GLIS3: variants seen among roughly 807,000 people sequenced by gnomAD.
The protein encoded by GLIS3 is zinc finger protein GLIS3.
A neutral mutation model predicts 78.6 loss-of-function variants in GLIS3; 53 were observed. That is an observed-to-expected ratio of 0.67 (90% CI 0.54 to 0.85). GLIS3 has a LOEUF of 0.85. GLIS3 is among the 40% of genes least tolerant of loss of function. The pLI is 0.00. For missense variants in GLIS3, 1,703 were observed against 1,231.1 expected (o/e 1.38, Z -5.74); for synonymous variants, 684 against 509.9 (o/e 1.34, Z -4.60).
intron 4 of GLIS3, among the ~76,000 whole-genome samples, chr9:3,994,822 C>A (rs201878442): frequency 2.0e-5 from 3 of 152,100 alleles, no homozygotes; most frequent in African/African-American, 7.2e-5. Context: ...CTAAAAATGG[C>A]GGCTAAAGTG....
At chr9:4,460,878 A>G in the GLIS3 span, among the ~76,000 whole-genome samples, 1 of 152,198 alleles carries the variant, frequency 6.6e-6, no homozygotes, top group East Asian at 1.9e-4. Context: ...AATGAGCCCA[A>G]TTACTCCTTG....
intron 2 of GLIS3, among the ~76,000 whole-genome samples, chr9:4,220,441 A>G (rs1244274621): frequency 6.6e-6 from 1 of 152,232 alleles, no homozygotes; most frequent in Non-Finnish European, 1.5e-5. Flanking sequence ...TATCTTAGCC[A>G]AGGGATAGAA....
intron 6 of GLIS3, among the ~76,000 whole-genome samples, chr9:3,918,899 C>A (rs192455777): frequency 1.3e-5 from 2 of 152,310 alleles, no homozygotes; most frequent in Non-Finnish European, 2.9e-5. Flanking sequence ...CACCAACCAA[C>A]CTTTTGGAAT....
At chr9:4,180,176 C>T (rs954465711) in intron 2 of GLIS3, among the ~76,000 whole-genome samples, 14 of 152,026 alleles carry the variant, frequency 9.2e-5, no homozygotes, top group Admixed American at 2.0e-4. Context: ...GGGTTTCAGG[C>T]GGTCCATGCA....
intron 6 of GLIS3, among the ~76,000 whole-genome samples, chr9:3,924,653 A>G (rs1391198764): frequency 6.6e-6 from 1 of 152,212 alleles, no homozygotes; most frequent in Non-Finnish European, 1.5e-5. Flanking sequence ...ACATAGCTCA[A>G]CTGAAGCTGA....
In GLIS3 at chr9:4,156,095, T is replaced by TA. The variant is rs370358262; in HGVS notation, c.389-30155dup. 1.3e-3 allele frequency among the ~76,000 whole-genome samples: 194 copies of TA among 148,438 alleles called. 1 individual carries two copies. The highest frequency in any genetic ancestry group is 2.5e-3 in the Admixed American group (37 of 14,876). On this transcript the variant is annotated intron_variant, in intron 2 of 10. Transcript: ENST00000381971. ...TCAAACCCCAAGTCCAGCAATGGAT[T>TA]AAAAAAAAAAATCACCTCTTGTGTG...
At chr9:4,184,227 C>G (rs10758564) in intron 2 of GLIS3, among the ~76,000 whole-genome samples, 41,805 of 152,056 alleles carry the variant, frequency 0.27, 6,910 homozygotes, top group South Asian at 0.52. Context: ...GGCTTAAGCA[C>G]AATTGTGGAT....
chr9:4,311,124 T>A (rs1817345450), intron 2 of GLIS3, among the ~76,000 whole-genome samples: 1 of 152,198 alleles, frequency 6.6e-6, no homozygotes, highest in Non-Finnish European at 1.5e-5. Context: ...GTGTATACCT[T>A]TTGGCCAGGC....
chr9:4,316,816 T>C (rs12377082), intron 2 of GLIS3, among the ~76,000 whole-genome samples: 1 of 152,016 alleles, frequency 6.6e-6, no homozygotes, highest in East Asian at 1.9e-4. Context: ...TAAAAATGTA[T>C]GCATAGCTCA....
the GLIS3 span, among the ~76,000 whole-genome samples, chr9:4,469,312 C>A: frequency 1.3e-5 from 2 of 152,146 alleles, no homozygotes; most frequent in Non-Finnish European, 2.9e-5. Flanking sequence ...GAACCCTCCA[C>A]CCCAAATCAA....
chr9:4,430,091 C>T, the GLIS3 span, among the ~76,000 whole-genome samples: 3 of 151,838 alleles, frequency 2.0e-5, no homozygotes, highest in South Asian at 6.2e-4. Flanking sequence ...ACAAGGAGCC[C>T]GGGAATGAGA....
At chr9:4,438,320 T>C in the GLIS3 span, among the ~76,000 whole-genome samples, 1 of 152,112 alleles carries the variant, frequency 6.6e-6, no homozygotes, top group Non-Finnish European at 1.5e-5. Flanking sequence ...AAAGAAAAAA[T>C]CGCAGATATA....
intron 2 of GLIS3, among the ~76,000 whole-genome samples, chr9:4,278,502 A>G (rs1827228570): frequency 6.6e-6 from 1 of 152,238 alleles, no homozygotes; most frequent in Non-Finnish European, 1.5e-5. Flanking sequence ...GAGCATCACA[A>G]AGAATAATGA....
chr9:4,254,487 C>T (rs1554637773), intron 2 of GLIS3, among the ~76,000 whole-genome samples: 1 of 152,124 alleles, frequency 6.6e-6, no homozygotes, highest in Non-Finnish European at 1.5e-5. Context: ...TGGAAACAGA[C>T]AAAATGTGCC....
chr9:4,077,023 C>T (rs1828128280), intron 4 of GLIS3, among the ~76,000 whole-genome samples: 1 of 152,180 alleles, frequency 6.6e-6, no homozygotes, highest in Non-Finnish European at 1.5e-5. Context: ...CAAGCCTCTG[C>T]ACTCCAGCCT....
chr9:4,254,549 A>G (rs1824725633), intron 2 of GLIS3, among the ~76,000 whole-genome samples: 1 of 152,208 alleles, frequency 6.6e-6, no homozygotes, highest in Non-Finnish European at 1.5e-5. Context: ...GAACAAAAAG[A>G]TAAGAAATGA....
intron 2 of GLIS3, among the ~76,000 whole-genome samples, chr9:4,336,165 C>T (rs1269431774): frequency 6.6e-6 from 1 of 152,254 alleles, no homozygotes; most frequent in Admixed American, 6.5e-5. Flanking sequence ...CTCTAGCCCA[C>T]TGCCAACTCT....
At chr9:4,037,715 A>C (rs1262411920) in intron 4 of GLIS3, among the ~76,000 whole-genome samples, 1 of 152,216 alleles carries the variant, frequency 6.6e-6, no homozygotes, top group Non-Finnish European at 1.5e-5. Context: ...CGGAGTCACC[A>C]TTCTCTTGAA....
At chr9:4,376,676 A>G in the GLIS3 span, among the ~76,000 whole-genome samples, 2 of 133,612 alleles carry the variant, frequency 1.5e-5, 1 homozygote, top group Non-Finnish European at 3.4e-5. Context: ...CACCCTGACA[A>G]AAAAGAAAGC....
Sources: allele counts gnomAD v4.1 joint callset (sites outside exome capture counted in the v4.1 genomes callset), GRCh38; gene constraint gnomAD v4.1.1; transcripts MANE v1.5; gene names NCBI Gene and HGNC (gene_info 2026-07-23, HGNC 2026-07-21).